TMEM132B: variants seen among roughly 807,000 people sequenced by gnomAD.
TMEM132B encodes transmembrane protein 132B.
TMEM132B carries 18 observed loss-of-function variants against 90.8 expected under a neutral mutation model. That is an observed-to-expected ratio of 0.20 (90% CI 0.14 to 0.29). The LOEUF (loss-of-function observed/expected upper bound fraction) is 0.29. Among genes scored for constraint, TMEM132B ranks in the 10% least tolerant of loss-of-function variants. TMEM132B has a pLI of 1.00. For missense variants in TMEM132B, 1,096 were observed against 1,326.8 expected (o/e 0.83, Z 2.70); for synonymous variants, 504 against 523.3 (o/e 0.96, Z 0.50).
At chr12:125,606,640 TCTGGGGCTTC>T (rs1382100637) in intron 5 of TMEM132B, among the ~76,000 whole-genome samples, 1 of 152,238 alleles carries the variant, frequency 6.6e-6, no homozygotes, top group African/African-American at 2.4e-5. Flanking sequence ...CATTTCGGTA[TCTGGGGCTTC>T]CATAACCAAT....
At chr12:125,595,214 T>C (rs1427353442) in intron 5 of TMEM132B, among the ~76,000 whole-genome samples, 1 of 152,202 alleles carries the variant, frequency 6.6e-6, no homozygotes, top group East Asian at 1.9e-4. Context: ...GGGAGGGACC[T>C]ATTGCTCTTC....
chr12:125,266,399 A>G lies in TMEM132B; in HGVS notation c.67+79533A>G, dbSNP rs563783971. On this transcript the variant is annotated intron_variant, in intron 1 of 8. Transcript: ENST00000682704. ...GAATCTATCACTGCTTTCCCATTCT[A>G]TCGCCAGTGGGCACTGGGTATTACC... Among the ~76,000 whole-genome samples the G allele has an allele frequency of 1.7e-3, 264 of 152,358 alleles. 1 individual carries two copies. Among genetic ancestry groups the G allele is most frequent in the African/African-American group, 6.1e-3 (255 of 41,574 alleles).
At chr12:125,647,972 A>G (rs7310102) in intron 6 of TMEM132B, among the ~76,000 whole-genome samples, 8,570 of 147,194 alleles carry the variant, frequency 0.058, 197 homozygotes, top group African/African-American at 0.089. Flanking sequence ...TTACATATGT[A>G]TACATGTGCC....
intron 4 of TMEM132B, among the ~76,000 whole-genome samples, chr12:125,579,112 G>C (rs1884996227): frequency 6.6e-6 from 1 of 151,974 alleles, no homozygotes; most frequent in South Asian, 2.1e-4. Flanking sequence ...AGAAATCTCT[G>C]ATGCTGTATT....
chr12:125,396,484 C>G (rs1879172822), intron 2 of TMEM132B, among the ~76,000 whole-genome samples: 1 of 152,108 alleles, frequency 6.6e-6, no homozygotes, highest in Non-Finnish European at 1.5e-5. Context: ...CCTGCAGTGA[C>G]ACTGTGAGGT....
intron 2 of TMEM132B, among the ~76,000 whole-genome samples, chr12:125,362,827 C>T (rs776340113): frequency 1.3e-5 from 2 of 152,236 alleles, no homozygotes; most frequent in Non-Finnish European, 2.9e-5. Context: ...ACAAGGCCAG[C>T]GTCCATGCTG....
intron 2 of TMEM132B, among the ~76,000 whole-genome samples, chr12:125,367,442 T>C (rs1878168595): frequency 6.6e-6 from 1 of 152,330 alleles, no homozygotes; most frequent in Non-Finnish European, 1.5e-5. Flanking sequence ...GATCTGCATA[T>C]ACAAGATTCA....
At chr12:125,307,746 G>GTATATATATGTTATATAAGTA (rs138822059) in intron 1 of TMEM132B, among the ~76,000 whole-genome samples, 10 of 111,104 alleles carry the variant, frequency 9.0e-5, no homozygotes, top group South Asian at 2.8e-4. Context: ...TGTAATATAA[G>GTATATATATGTTATATAAGTA]TATATATACT....
chr12:125,491,300 A>T (rs1882344750), intron 3 of TMEM132B, among the ~76,000 whole-genome samples: 1 of 151,282 alleles, frequency 6.6e-6, no homozygotes, highest in Admixed American at 6.6e-5. Context: ...TAATTTAAAA[A>T]ATTTATTTAT....
chr12:125,564,278 CGA>C (rs1884611733), intron 4 of TMEM132B, among the ~76,000 whole-genome samples: 1 of 152,016 alleles, frequency 6.6e-6, no homozygotes, highest in African/African-American at 2.4e-5. Flanking sequence ...ATTAAGGAAA[CGA>C]TGTTGAATAA....
rs966520502 is a variant in TMEM132B at position 125,259,390 on chromosome 12, G to A, written c.67+72524G>A. Among the ~76,000 whole-genome samples, 3 of 152,192 alleles carry A rather than the reference G, an allele frequency of 2.0e-5. No individual in the cohort carries two copies. In the East Asian group the frequency reaches 5.8e-4, roughly 29 times the overall value. On this transcript the variant is annotated intron_variant, in intron 1 of 8. Coordinates refer to ENST00000682704, the MANE Select transcript of TMEM132B (RefSeq NM_001366854.1). ...GCCACACAGGGCTGCCTGGCAGAGG[G>A]TTTCTCCTTGAGTTGGATGTCTGTC...
Position 125,200,487 on chromosome 12 carries a change from A to G in TMEM132B, c.67+13621A>G, listed in dbSNP as rs1293411233. 2.0e-5 allele frequency among the ~76,000 whole-genome samples: 3 copies of G among 152,286 alleles called. No homozygotes were observed. In the East Asian group the frequency reaches 5.8e-4, roughly 29 times the overall value. On this transcript the variant is annotated intron_variant, in intron 1 of 8. Transcript: ENST00000682704. ...CATTTTTTTTGAATTGCTGGCTAGTATTCCATGGCACGCATATAGCAAGGT... is the reference window on the plus strand; with the variant it reads ...CATTTTTTTTGAATTGCTGGCTAGTGTTCCATGGCACGCATATAGCAAGGT...
Position 125,297,892 on chromosome 12 carries a change from C to T in TMEM132B, c.68-51560C>T, listed in dbSNP as rs181405115. On this transcript the variant is annotated intron_variant, in intron 1 of 8. Transcript: ENST00000682704. The stretch of plus-strand genomic sequence containing the variant: ...GGTTCTTCCTCCTCTCTCTTTCTCC[C>T]ACATTATCCACGCTCCTTTCTCCGC... 6.1e-4 allele frequency among the ~76,000 whole-genome samples: 93 copies of T among 152,306 alleles called. 1 individual carries two copies. In the East Asian group the frequency reaches 8.1e-3, roughly 13 times the overall value.
chr12:125,640,663 TC>T (rs1940297834), intron 5 of TMEM132B, among the ~76,000 whole-genome samples: 1 of 95,962 alleles, frequency 1.0e-5, no homozygotes, highest in African/African-American at 3.4e-5. Context: ...GGGCCAGCAG[TC>T]AGCAGTCAGG....
chr12:125,260,299 C>T (rs1365992285), intron 1 of TMEM132B, among the ~76,000 whole-genome samples: 1 of 152,172 alleles, frequency 6.6e-6, no homozygotes, highest in African/African-American at 2.4e-5. Flanking sequence ...CCAGGGTTTG[C>T]CAAGCTGCCG....
At position 125,406,526 on chromosome 12, in the gene TMEM132B, C is replaced by T. The variant is rs1381345405; in HGVS notation, c.960-9005C>T. 2.0e-5 allele frequency among the ~76,000 whole-genome samples: 3 copies of T among 152,216 alleles called. 1 individual carries two copies. In the South Asian group the frequency reaches 6.2e-4, roughly 31 times the overall value. ...CTGGTCTGGACTGAGCCATGCTCCTCTTTGCATTTCCAAGTGCTTCATGTG... is the reference window on the plus strand; with the variant it reads ...CTGGTCTGGACTGAGCCATGCTCCTTTTTGCATTTCCAAGTGCTTCATGTG... On this transcript the variant is annotated intron_variant, in intron 2 of 8. Transcript: ENST00000682704. This position sits in a 1 kb window ranked among gnomAD's most constrained non-coding sequence, Gnocchi z 8.3.
chr12:125,602,232 G>A (rs545719726), intron 5 of TMEM132B, among the ~76,000 whole-genome samples: 64 of 152,292 alleles, frequency 4.2e-4, no homozygotes, highest in African/African-American at 1.4e-3. Context: ...CTGGCAAACC[G>A]AATCTAGCAG....
intron 1 of TMEM132B, among the ~76,000 whole-genome samples, chr12:125,190,523 G>A (rs1402493169): frequency 3.1e-5 from 4 of 130,812 alleles, no homozygotes; most frequent in Non-Finnish European, 4.8e-5. Flanking sequence ...TGATGGTGAT[G>A]GGGAAGGGGT....
At chr12:125,236,311 AT>A (rs554061905) in intron 1 of TMEM132B, among the ~76,000 whole-genome samples, 53 of 148,766 alleles carry the variant, frequency 3.6e-4, no homozygotes, top group Admixed American at 1.3e-4. Context: ...ACGCCCAGCT[AT>A]TTTTTTTTGT....
Sources: allele counts gnomAD v4.1 joint callset (sites outside exome capture counted in the v4.1 genomes callset), GRCh38; gene constraint gnomAD v4.1.1; non-coding constraint Gnocchi (gnomAD v3.1); transcripts MANE v1.5; gene names NCBI Gene and HGNC (gene_info 2026-07-23, HGNC 2026-07-21).